Variants in NHS observed in about 807,000 individuals in gnomAD.
The protein encoded by NHS is NHS actin remodeling regulator.
NHS carries 5 observed loss-of-function variants against 72.5 expected under a neutral mutation model. The ratio of observed to expected loss-of-function variants is 0.07; its 90% CI spans 0.04 to 0.14. The LOEUF (loss-of-function observed/expected upper bound fraction) is 0.14. Ranked by LOEUF, NHS falls within the 10% of genes least tolerant of loss-of-function variation. The pLI, the probability that NHS is intolerant of heterozygous loss-of-function variation, is 1.00. For missense variants in NHS, 1,072 were observed against 1,355.7 expected, an observed-to-expected ratio of 0.79 and a Z score of 3.29; for synonymous variants, 464 against 547.7, an observed-to-expected ratio of 0.85 and a Z score of 2.13.
chrX:17,558,232 C>T (rs1264267963), intron 1 of NHS, among the ~76,000 whole-genome samples: 2 of 111,896 alleles, frequency 1.8e-5, no homozygotes, highest in Non-Finnish European at 3.8e-5. Flanking sequence ...CTCCTTAATC[C>T]TCAGTGGCAG....
At chrX:17,687,540 C>T (rs1021845408) in intron 1 of NHS, 21 of 492,919 alleles carry the variant, frequency 4.3e-5, no homozygotes, top group Middle Eastern at 5.4e-4. Flanking sequence ...TCCCGTGCCT[C>T]GGCTCAGGGG....
At chrX:17,460,776 A>G (rs2064843889) in intron 1 of NHS, among the ~76,000 whole-genome samples, 1 of 112,060 alleles carries the variant, frequency 8.9e-6, no homozygotes, top group Admixed American at 9.5e-5. Flanking sequence ...ATTCTGTTAT[A>G]TAGATAGGGT....
At chrX:17,390,245 T>C (rs2064436725) in intron 1 of NHS, among the ~76,000 whole-genome samples, 1 of 112,599 alleles carries the variant, frequency 8.9e-6, no homozygotes, top group Non-Finnish European at 1.9e-5. Context: ...CATTAGAATA[T>C]AACATCAATA....
chrX:17,671,202 A>T (rs1050058105), intron 1 of NHS, among the ~76,000 whole-genome samples: 1 of 112,569 alleles, frequency 8.9e-6, no homozygotes, highest in Non-Finnish European at 1.9e-5. Context: ...GTGTTAGAAC[A>T]AAGAGTTACT....
At chrX:17,499,094 A>G (rs1464904010) in intron 1 of NHS, among the ~76,000 whole-genome samples, 1 of 112,020 alleles carries the variant, frequency 8.9e-6, no homozygotes, top group Non-Finnish European at 1.9e-5. Flanking sequence ...GAGTTCCAGA[A>G]GTCTGACTGT....
In NHS at chrX:17,376,148, G is replaced by T. The variant is rs1354726173; in HGVS notation, c.391G>T (p.Ala131Ser). 1.7e-6 allele frequency: 2 copies of T among 1,186,969 alleles called. No homozygotes were observed. Among genetic ancestry groups the T allele is most frequent in the Admixed American group, 4.5e-5 (2 of 44,825 alleles). Residue 131 changes from alanine (A) to serine (S), a missense_variant, in exon 1 of 9, where the codon GCT (alanine) becomes TCT (serine). By Grantham distance (99) the Ala-to-Ser change is moderately conservative (BLOSUM62 1). Coordinates refer to ENST00000676302, the MANE Select transcript of NHS (RefSeq NM_001291867.2). Reference sequence around the variant, plus strand: ...GGACCTATGCGCGGTCAGCAACGCCGCTCTGGCCCGTGTCCTCCGGCAGCT... The same window carrying T: ...GGACCTATGCGCGGTCAGCAACGCCTCTCTGGCCCGTGTCCTCCGGCAGCT... ...MLDLCAVSNA[A>S]LARVLRQLSD...
At chrX:17,708,842 C>T (rs1214206317) in intron 3 of NHS, among the ~76,000 whole-genome samples, 16 of 110,634 alleles carry the variant, frequency 1.4e-4, no homozygotes, top group Admixed American at 3.9e-4. Context: ...TTCAGTAGGC[C>T]AGATATTGAA....
intron 1 of NHS, among the ~76,000 whole-genome samples, chrX:17,464,526 C>T (rs1003744720): frequency 1.1e-4 from 12 of 112,186 alleles, no homozygotes; most frequent in Non-Finnish European, 1.1e-4. Flanking sequence ...GTCCCCACCT[C>T]CACATCCCAC....
At chrX:17,529,066 T>G (rs1433565496) in intron 1 of NHS, among the ~76,000 whole-genome samples, 1 of 110,975 alleles carries the variant, frequency 9.0e-6, no homozygotes, top group Non-Finnish European at 1.9e-5. Flanking sequence ...CCTCCTTCCC[T>G]TCTTCCCCTC....
intron 3 of NHS, among the ~76,000 whole-genome samples, chrX:17,701,739 T>C (rs987303995): frequency 2.7e-5 from 3 of 110,705 alleles, no homozygotes; most frequent in Non-Finnish European, 5.7e-5. Flanking sequence ...TTGATATGTG[T>C]GTGTGTTATG....
chrX:17,403,055 A>G (rs2064510233), intron 1 of NHS, among the ~76,000 whole-genome samples: 2 of 112,081 alleles, frequency 1.8e-5, no homozygotes, highest in Admixed American at 1.9e-4. Flanking sequence ...ATAGTGACTC[A>G]GGGACCCAGG....
intron 1 of NHS, among the ~76,000 whole-genome samples, chrX:17,549,235 C>T (rs1250162710): frequency 9.1e-6 from 1 of 109,316 alleles, no homozygotes; most frequent in Non-Finnish European, 1.9e-5. Context: ...GGGCCAGGTC[C>T]TTTAGTGGCT....
At chrX:17,483,031 GTC>G (rs1175040668) in intron 1 of NHS, among the ~76,000 whole-genome samples, 1 of 53,996 alleles carries the variant, frequency 1.9e-5, no homozygotes, top group Non-Finnish European at 4.3e-5. Context: ...ACCCAAGTAA[GTC>G]TGTTAATGCC....
chrX:17,561,556 A>C (rs1389966034), intron 1 of NHS, among the ~76,000 whole-genome samples: 1 of 70,552 alleles, frequency 1.4e-5, no homozygotes, highest in Non-Finnish European at 2.3e-5. Flanking sequence ...ATGCAAGTGC[A>C]TGCGCGCGCG....
In NHS at chrX:17,481,036, T is replaced by C. The variant is rs566831530; in HGVS notation, c.565+104714T>C. 2.7e-5 allele frequency among the ~76,000 whole-genome samples: 3 copies of C among 111,568 alleles called. No individual in the cohort carries two copies. The South Asian group carries it at 1.1e-3, about 42-fold the overall frequency. On this transcript the variant is annotated intron_variant, in intron 1 of 8. Transcript: ENST00000676302. The stretch of plus-strand genomic sequence containing the variant: ...AAGTAAGTTGGCTTAAAGTTTAAAC[T>C]TTACATTCTTCCTATTTTTAGTGCA...
chrX:17,491,866 G>A (rs1427480113), intron 1 of NHS, among the ~76,000 whole-genome samples: 1 of 108,519 alleles, frequency 9.2e-6, no homozygotes, highest in East Asian at 2.9e-4. Context: ...TTGGGAGGGT[G>A]TATGTGTCCA....
At chrX:17,433,118 C>T (rs1355883038) in intron 1 of NHS, among the ~76,000 whole-genome samples, 2 of 109,228 alleles carry the variant, frequency 1.8e-5, no homozygotes, top group East Asian at 5.7e-4. Context: ...CAAGCTCTCC[C>T]TCCCAGGTTC....
chrX:17,486,485 T>G (rs753455096), intron 1 of NHS, among the ~76,000 whole-genome samples: 3 of 111,842 alleles, frequency 2.7e-5, no homozygotes, highest in African/African-American at 3.3e-5. Context: ...TCTTCAGGTT[T>G]GGTTCCAGTC....
intron 1 of NHS, among the ~76,000 whole-genome samples, chrX:17,385,843 CA>C (rs1402920329): frequency 8.9e-6 from 1 of 112,329 alleles, no homozygotes; most frequent in Admixed American, 9.4e-5. Context: ...CTACATCCTT[CA>C]AAGTGAAATT....
Sources: gnomAD v4.1 joint callset for allele counts (sites outside exome capture counted in the v4.1 genomes callset) on GRCh38, gnomAD v4.1.1 for gene constraint, MANE v1.5 for transcripts, NCBI Gene and HGNC (gene_info 2026-07-23, HGNC 2026-07-21) for gene names.